Variants in NRG3 observed in about 807,000 individuals in gnomAD.
NRG3 encodes pro-neuregulin-3, membrane-bound isoform.
In NRG3, 31 loss-of-function variants were observed where a neutral mutation model predicts 66.9. That is an observed-to-expected ratio of 0.46 (90% CI 0.35 to 0.63). The LOEUF (loss-of-function observed/expected upper bound fraction) is 0.63. Among genes scored for constraint, NRG3 ranks in the 20% least tolerant of loss-of-function variants. The probability of loss-of-function intolerance (pLI) is 0.00; values close to 1 mark genes in which losing one functional copy is unlikely to be tolerated. For synonymous variants in NRG3, 393 were observed against 359.4 expected (o/e 1.09, Z -1.06); for missense variants, 910 against 878.9 (o/e 1.04, Z -0.45).
intron 1 of NRG3, among the ~76,000 whole-genome samples, chr10:82,282,056 A>G (rs905684421): frequency 2.0e-5 from 3 of 151,976 alleles, no homozygotes; most frequent in African/African-American, 4.8e-5. Flanking sequence ...TCAAACTCAT[A>G]TATCTACAGA....
chr10:82,787,943 G>A (rs890947633), intron 3 of NRG3, among the ~76,000 whole-genome samples: 9 of 152,096 alleles, frequency 5.9e-5, no homozygotes, highest in African/African-American at 2.2e-4. Context: ...CAGGCAAATG[G>A]CCTTCTTATG....
intron 3 of NRG3, among the ~76,000 whole-genome samples, chr10:82,819,801 G>C (rs1273628192): frequency 2.0e-5 from 3 of 152,168 alleles, no homozygotes; most frequent in Non-Finnish European, 4.4e-5. Flanking sequence ...TTGGCATCCA[G>C]TACAATGGAA....
At chr10:82,295,267 G>A (rs2079991095) in intron 1 of NRG3, among the ~76,000 whole-genome samples, 1 of 152,182 alleles carries the variant, frequency 6.6e-6, no homozygotes, top group African/African-American at 2.4e-5. Flanking sequence ...CATTTAAGAT[G>A]TAGATGGGAT....
intron 1 of NRG3, among the ~76,000 whole-genome samples, chr10:82,160,501 T>C (rs1042683181): frequency 3.3e-5 from 5 of 151,772 alleles, no homozygotes; most frequent in African/African-American, 1.2e-4. Context: ...TTCTTTTTTT[T>C]TGTTTTGTTT....
At chr10:82,773,021 C>T (rs913737779) in intron 3 of NRG3, among the ~76,000 whole-genome samples, 1 of 151,962 alleles carries the variant, frequency 6.6e-6, no homozygotes, top group Non-Finnish European at 1.5e-5. Context: ...CGTATCTTGG[C>T]TATTATGAAT....
intron 1 of NRG3, among the ~76,000 whole-genome samples, chr10:81,918,900 C>T (rs1009099376): frequency 1.3e-5 from 2 of 151,178 alleles, no homozygotes; most frequent in South Asian, 2.1e-4. Context: ...TTTTGAAATA[C>T]ATCTGGTGTT....
chr10:82,436,130 A>G (rs542340671), intron 2 of NRG3, among the ~76,000 whole-genome samples: 222 of 152,262 alleles, frequency 1.5e-3, no homozygotes, highest in Middle Eastern at 0.01. Context: ...TAATACTGAC[A>G]TTGGGGTGTT....
At chr10:82,422,766 G>T (rs2089171871) in intron 2 of NRG3, among the ~76,000 whole-genome samples, 1 of 151,990 alleles carries the variant, frequency 6.6e-6, no homozygotes, top group Non-Finnish European at 1.5e-5. Flanking sequence ...AGGCAGCTTT[G>T]CTATGTGGTA....
chr10:82,842,885 T>G (rs923409446), intron 3 of NRG3, among the ~76,000 whole-genome samples: 1 of 152,196 alleles, frequency 6.6e-6, no homozygotes, highest in Non-Finnish European at 1.5e-5. Context: ...CACACCTGGC[T>G]AAAACTATAT....
At chr10:82,742,617 G>A (rs192553351) in intron 3 of NRG3, among the ~76,000 whole-genome samples, 37 of 152,232 alleles carry the variant, frequency 2.4e-4, no homozygotes, top group Middle Eastern at 3.4e-3. Context: ...GAGTGACTCA[G>A]ACTTTGGTCA....
intron 1 of NRG3, among the ~76,000 whole-genome samples, chr10:82,053,293 T>TTA (rs1411624152): frequency 2.0e-5 from 3 of 152,250 alleles, no homozygotes; most frequent in East Asian, 3.9e-4. Context: ...AATCAAGTGT[T>TTA]TATTAAAGGC....
intron 3 of NRG3, among the ~76,000 whole-genome samples, chr10:82,832,797 C>T (rs1479175035): frequency 7.3e-6 from 1 of 137,812 alleles, no homozygotes; most frequent in East Asian, 2.1e-4. Context: ...AAGAGGTATG[C>T]ATGTAATTGT....
At chr10:81,990,931 T>A (rs1444588604) in intron 1 of NRG3, among the ~76,000 whole-genome samples, 2 of 152,190 alleles carry the variant, frequency 1.3e-5, no homozygotes, top group Non-Finnish European at 2.9e-5. Flanking sequence ...GCTTTGCAAA[T>A]GTTAAATTGG....
chr10:82,284,391 A>G (rs1484002683), intron 1 of NRG3, among the ~76,000 whole-genome samples: 1 of 152,230 alleles, frequency 6.6e-6, no homozygotes, highest in Non-Finnish European at 1.5e-5. Flanking sequence ...GATGCTTGTT[A>G]CACACAGATA....
At chr10:82,707,592 C>G (rs2056391268) in intron 2 of NRG3, among the ~76,000 whole-genome samples, 1 of 151,390 alleles carries the variant, frequency 6.6e-6, no homozygotes, top group South Asian at 2.1e-4. Context: ...CAGGGACTTA[C>G]TCTGTTGCCC....
chr10:82,512,890 A>G (rs1373835816), intron 2 of NRG3, among the ~76,000 whole-genome samples: 1 of 152,130 alleles, frequency 6.6e-6, no homozygotes, highest in Non-Finnish European at 1.5e-5. Context: ...AGATACCAAT[A>G]ATTGTATTTC....
intron 2 of NRG3, among the ~76,000 whole-genome samples, chr10:82,409,828 C>T (rs2087917892): frequency 6.6e-6 from 1 of 152,126 alleles, no homozygotes; most frequent in Non-Finnish European, 1.5e-5. Flanking sequence ...AGATGGTTTA[C>T]TCAGGTGGCT....
At chr10:81,971,135 C>G (rs1230755576) in intron 1 of NRG3, among the ~76,000 whole-genome samples, 1 of 152,156 alleles carries the variant, frequency 6.6e-6, no homozygotes, top group African/African-American at 2.4e-5. Context: ...AGCAAACACT[C>G]CGTCTAAAAA....
chr10:82,879,767 T>C (rs1174398954), intron 4 of NRG3, among the ~76,000 whole-genome samples: 1 of 152,090 alleles, frequency 6.6e-6, no homozygotes, highest in Non-Finnish European at 1.5e-5. Flanking sequence ...TAAGCCACCA[T>C]GCCCGGCCTA....
Sources: allele counts gnomAD v4.1 joint callset (sites outside exome capture counted in the v4.1 genomes callset), GRCh38; gene constraint gnomAD v4.1.1; transcripts MANE v1.5; gene names NCBI Gene and HGNC (gene_info 2026-07-23, HGNC 2026-07-21).